UQCC2: variants seen among roughly 807,000 people sequenced by gnomAD.
UQCC2 encodes the protein breast cancer-associated protein SGA-81M.
Under a neutral mutation model 19.9 loss-of-function variants are expected in UQCC2, and 21 were observed. The ratio of observed to expected loss-of-function variants is 1.05; its 90% CI spans 0.75 to 1.52. The LOEUF is 1.52. Among genes scored for constraint, UQCC2 ranks in the 40% most tolerant of loss-of-function variants. The probability of loss-of-function intolerance (pLI) is 0.00; values close to 1 mark genes in which losing one functional copy is unlikely to be tolerated. For missense variants in UQCC2, 135 were observed against 157.5 expected (o/e 0.86, Z 0.76); for synonymous variants, 57 against 60.9 (o/e 0.94, Z 0.30).
chr6:33,711,664 C>T lies in UQCC2; in HGVS notation c.23G>A (p.Arg8His), dbSNP rs1373387327. Residue 8 changes from arginine to histidine, a missense_variant, in exon 1 of 4, where the codon CGT (arginine) becomes CAT (histidine). By Grantham distance (29) the Arg-to-His change is conservative. Transcript: ENST00000607484. Reference sequence around the variant, plus strand: ...CCATTCCTCACAGAGCTTAAGAAAACGCCGGTACCGGCTGGCCGCCATCTT... The same window carrying T: ...CCATTCCTCACAGAGCTTAAGAAAATGCCGGTACCGGCTGGCCGCCATCTT... MAASRYR[R>H]FLKLCEEWPV... 1.9e-6 allele frequency: 3 copies of T among 1,612,110 alleles called. No individual in the cohort carries two copies. Among genetic ancestry groups the T allele is most frequent in the Admixed American group, 1.7e-5 (1 of 59,444 alleles).
At chr6:33,703,500 C>A (rs997049907) in intron 1 of UQCC2, among the ~76,000 whole-genome samples, 1 of 152,006 alleles carries the variant, frequency 6.6e-6, no homozygotes. Flanking sequence ...GAGCAGGGGA[C>A]GCTTGGGTGA....
At chr6:33,708,645 C>T (rs981545059) in intron 1 of UQCC2, among the ~76,000 whole-genome samples, 4 of 152,156 alleles carry the variant, frequency 2.6e-5, no homozygotes, top group Admixed American at 2.0e-4. Context: ...CCGGCTTAAC[C>T]AAGGAGGAGC....
Position 33,696,812 on chromosome 6 carries a change from TGAG to T in UQCC2, c.*838_*840del, listed in dbSNP as rs1375439148. The T allele has an allele frequency of 6.6e-6, 1 of 152,116 alleles. No homozygotes were observed. The highest frequency in any genetic ancestry group is 1.5e-5 in the Non-Finnish European group (1 of 68,030). The allele number at this position is 152,116 out of a possible 1,614,324, so 9.4% of individuals were successfully genotyped here. A position where few individuals can be genotyped will look rare whatever the true frequency, so the allele number is the denominator to read the frequency against. Reference sequence around the variant, plus strand: ...TTATTTTATGCATTTCAGAACATCCTGAGGAGTCTAGACACAGACGAGGTTAAG... The same window carrying T: ...TTATTTTATGCATTTCAGAACATCCTGAGTCTAGACACAGACGAGGTTAAG... On this transcript the variant is annotated 3_prime_UTR_variant, in exon 4 of 4. Coordinates refer to ENST00000607484, the MANE Select transcript of UQCC2 (RefSeq NM_032340.4).
At chr6:33,704,449 G>A (rs654682) in intron 1 of UQCC2, among the ~76,000 whole-genome samples, 28,694 of 152,180 alleles carry the variant, frequency 0.19, 2,888 homozygotes, top group African/African-American at 0.21. Context: ...CGAGGGTGGC[G>A]CTGGAAACGG....
chr6:33,700,323 T>A, intron 3 of UQCC2, 121 bp downstream of exon 3: 1 of 1,078,256 alleles, frequency 9.3e-7, no homozygotes, highest in Non-Finnish European at 1.4e-6. Context: ...CAGAATTTCC[T>A]CTGGGCTGTT....
intron 1 of UQCC2, among the ~76,000 whole-genome samples, chr6:33,708,484 C>T (rs376399792): frequency 3.0e-4 from 46 of 152,130 alleles, no homozygotes; most frequent in African/African-American, 9.4e-4. Context: ...GAGATCACGC[C>T]GGCAAAGGTG....
In UQCC2 at chr6:33,708,888, G is replaced by T. The variant is rs549757687; in HGVS notation, c.138+2661C>A. 1.2e-4 allele frequency among the ~76,000 whole-genome samples: 18 copies of T among 152,312 alleles called. 1 individual carries two copies. The highest frequency in any genetic ancestry group is 1.0e-3 in the South Asian group (5 of 4,820). The stretch of plus-strand genomic sequence containing the variant: ...TCAGGTGACATTAGGATGAGGTACC[G>T]CAACAGTGGTCCTGAGTAATGCACC... On this transcript the variant is annotated intron_variant, in intron 1 of 3. Transcript: ENST00000607484.
rs1234988926 is a variant in UQCC2, at chr6:33,706,777, G to C, written c.138+4772C>G. Among the ~76,000 whole-genome samples, 10 of 152,340 alleles carry C rather than the reference G, an allele frequency of 6.6e-5. 1 individual carries two copies. The South Asian group carries it at 1.4e-3, about 22-fold the overall frequency. On this transcript the variant is annotated intron_variant, in intron 1 of 3. Coordinates refer to ENST00000607484, the MANE Select transcript of UQCC2 (RefSeq NM_032340.4). Reference sequence around the variant, plus strand: ...GAGCCTGGGAAGCCACCAAATTCTTGACAAACTCTGTGTTTGGGTTTTTTG... The same window carrying C: ...GAGCCTGGGAAGCCACCAAATTCTTCACAAACTCTGTGTTTGGGTTTTTTG...
intron 1 of UQCC2, among the ~76,000 whole-genome samples, chr6:33,709,824 T>A (rs983722217): frequency 3.3e-5 from 5 of 152,088 alleles, no homozygotes; most frequent in South Asian, 2.1e-4. Flanking sequence ...TCACAAGTCA[T>A]TTCTTCAGAC....
intron 1 of UQCC2, among the ~76,000 whole-genome samples, chr6:33,704,922 G>C (rs1765681563): frequency 1.3e-5 from 2 of 152,174 alleles, no homozygotes. Flanking sequence ...CAGCAGGACA[G>C]ACAGGAGGGG....
At chr6:33,702,342 A>C (rs998859607) in intron 1 of UQCC2, among the ~76,000 whole-genome samples, 7 of 152,128 alleles carry the variant, frequency 4.6e-5, no homozygotes, top group African/African-American at 1.7e-4. Flanking sequence ...AAGGCAAAAA[A>C]AAAAAAAATC....
intron 3 of UQCC2, 76 bp downstream of exon 3, chr6:33,700,368 T>TAAGA: frequency 6.5e-7 from 1 of 1,527,316 alleles, no homozygotes; most frequent in Non-Finnish European, 9.1e-7. Flanking sequence ...ACTGTCTTCT[T>TAAGA]AGACAATTCC....
Position 33,711,651 on chromosome 6 carries a change from G to T in UQCC2, c.36C>A (p.Leu12=). The change falls in exon 1 of 4, where the codon CTC becomes CTA. Residue 12 remains leucine, a synonymous_variant. Transcript: ENST00000607484. ...TCTCGTCCACTGGCCATTCCTCACAGAGCTTAAGAAAACGCCGGTACCGGC... is the reference window on the plus strand; with the variant it reads ...TCTCGTCCACTGGCCATTCCTCACATAGCTTAAGAAAACGCCGGTACCGGC... The part of the protein sequence containing the change: ...AASRYRRFLK[L]CEEWPVDETK... 10 of 1,613,490 alleles carry T rather than the reference G, an allele frequency of 6.2e-6. No homozygotes were observed. Among genetic ancestry groups the T allele is most frequent in the Non-Finnish European group, 8.5e-6 (10 of 1,179,802 alleles).
chr6:33,710,859 AAAGC>A (rs2127339327), intron 1 of UQCC2, among the ~76,000 whole-genome samples: 1 of 152,324 alleles, frequency 6.6e-6, no homozygotes, highest in Admixed American at 6.5e-5. Flanking sequence ...AACCTGGAGG[AAAGC>A]AAGAACATAG....
At chr6:33,709,517 C>G (rs1220298351) in intron 1 of UQCC2, among the ~76,000 whole-genome samples, 1 of 152,074 alleles carries the variant, frequency 6.6e-6, no homozygotes, top group African/African-American at 2.4e-5. Context: ...TAAAAATATG[C>G]AGGGAGTACA....
At chr6:33,701,291 C>G (rs932391553) in intron 2 of UQCC2, 55 bp downstream of exon 2, 1 of 1,538,418 alleles carries the variant, frequency 6.5e-7, no homozygotes, top group African/African-American at 1.4e-5. Flanking sequence ...TTCACTCATT[C>G]TTATTAGTTG....
intron 1 of UQCC2, among the ~76,000 whole-genome samples, chr6:33,706,534 C>G (rs973013362): frequency 1.3e-5 from 2 of 152,170 alleles, no homozygotes; most frequent in Non-Finnish European, 2.9e-5. Flanking sequence ...TGCACGAGAC[C>G]CGAGGTGGGA....
chr6:33,711,692 G>A lies in UQCC2; in HGVS notation c.-6C>T, dbSNP rs1765775925. 1.9e-6 allele frequency: 3 copies of A among 1,604,400 alleles called. No individual in the cohort carries two copies. The highest frequency in any genetic ancestry group is 2.2e-5 in the East Asian group (1 of 44,676). On this transcript the variant is annotated 5_prime_UTR_variant, in exon 1 of 4. Coordinates refer to ENST00000607484, the MANE Select transcript of UQCC2 (RefSeq NM_032340.4). ...CGGTACCGGCTGGCCGCCATCTTGG[G>A]CCCCGCGTGTTCCCGCCTTAGCGGG...
intron 1 of UQCC2, among the ~76,000 whole-genome samples, chr6:33,704,158 T>C (rs1157114554): frequency 6.6e-6 from 1 of 152,116 alleles, no homozygotes. Context: ...CAGTTATTAG[T>C]AGTAAAGAGT....
Sources: gnomAD v4.1 joint callset for allele counts (sites outside exome capture counted in the v4.1 genomes callset) on GRCh38, gnomAD v4.1.1 for gene constraint, MANE v1.5 for transcripts, NCBI Gene and HGNC (gene_info 2026-07-23, HGNC 2026-07-21) for gene names.